FSTL5: variants seen among roughly 807,000 people sequenced by gnomAD.
FSTL5 encodes follistatin like 5.
In FSTL5, 62 loss-of-function variants were observed where a neutral mutation model predicts 89.1. The ratio of observed to expected loss-of-function variants is 0.70; its 90% CI spans 0.57 to 0.86. The LOEUF (loss-of-function observed/expected upper bound fraction) is 0.86. FSTL5 is among the 40% of genes least tolerant of loss of function. FSTL5 has a pLI of 0.00. For missense variants in FSTL5, 1,057 were observed against 1,001.6 expected (o/e 1.06, Z -0.75); for synonymous variants, 383 against 346.2 (o/e 1.11, Z -1.18).
At chr4:161,935,797 T>A (rs751425671) in intron 3 of FSTL5, among the ~76,000 whole-genome samples, 5 of 151,734 alleles carry the variant, frequency 3.3e-5, no homozygotes, top group Non-Finnish European at 7.4e-5. Context: ...AATGGTAGGA[T>A]GAATCTACAC....
intron 4 of FSTL5, among the ~76,000 whole-genome samples, chr4:161,831,120 G>A (rs929378043): frequency 1.3e-5 from 2 of 151,416 alleles, no homozygotes; most frequent in African/African-American, 4.8e-5. Flanking sequence ...TGAGAGTGGG[G>A]GAAATTGGTA....
chr4:161,602,063 C>A (rs981791172), intron 7 of FSTL5, among the ~76,000 whole-genome samples: 2 of 151,660 alleles, frequency 1.3e-5, no homozygotes, highest in African/African-American at 4.9e-5. Context: ...GTTAATATTT[C>A]TAGTGGAAAG....
intron 3 of FSTL5, among the ~76,000 whole-genome samples, chr4:161,949,656 AATT>A (rs1212166944): frequency 6.6e-6 from 1 of 151,612 alleles, no homozygotes; most frequent in Admixed American, 6.6e-5. Flanking sequence ...TGTTTATAGT[AATT>A]ATTATATTTT....
chr4:161,738,149 C>A (rs1300891979), intron 6 of FSTL5, among the ~76,000 whole-genome samples: 3 of 151,952 alleles, frequency 2.0e-5, no homozygotes, highest in Non-Finnish European at 4.4e-5. Flanking sequence ...AATGTATATT[C>A]TTTTACTATT....
At chr4:162,057,216 A>G (rs1738572701) in intron 2 of FSTL5, among the ~76,000 whole-genome samples, 1 of 152,144 alleles carries the variant, frequency 6.6e-6, no homozygotes, top group Admixed American at 6.6e-5. Context: ...ATTTCACTAA[A>G]TCATAGCTTT....
rs201032478 is a variant in FSTL5 at position 161,781,098 on chromosome 4, ACT to A, written c.410-5026_410-5025del. ...TCTGTATATTATAATGTATGTAGAA[ACT>A]GTTTTTCCTCAAATTACTCAATAAT... On this transcript the variant is annotated intron_variant, in intron 4 of 15. Coordinates refer to ENST00000306100, the MANE Select transcript of FSTL5 (RefSeq NM_020116.5). Among the ~76,000 whole-genome samples, 1,218 of 152,180 alleles carry A rather than the reference ACT, an allele frequency of 8.0e-3. 7 individuals carry two copies. Among genetic ancestry groups the A allele is most frequent in the South Asian group, 0.013 (61 of 4,822 alleles).
In FSTL5 at chr4:161,678,202, A is replaced by G. The variant is rs76743091; in HGVS notation, c.728-21708T>C. 6.0e-3 allele frequency among the ~76,000 whole-genome samples: 907 copies of G among 151,914 alleles called. 9 individuals carry two copies. Among genetic ancestry groups the G allele is most frequent in the South Asian group, 0.046 (220 of 4,828 alleles). Reference sequence around the variant, plus strand: ...ATATAATATGTAAATGTACAAACACATATGTGTGTATGTGTATATATACAG... The same window carrying G: ...ATATAATATGTAAATGTACAAACACGTATGTGTGTATGTGTATATATACAG... On this transcript the variant is annotated intron_variant, in intron 6 of 15. Transcript: ENST00000306100.
chr4:161,593,297 C>G (rs924418081), intron 7 of FSTL5, among the ~76,000 whole-genome samples: 2 of 151,992 alleles, frequency 1.3e-5, no homozygotes, highest in Non-Finnish European at 2.9e-5. Flanking sequence ...CTTACCAATG[C>G]TCACATAATA....
rs867818129 is a variant in FSTL5 at position 161,424,036 on chromosome 4, T to C, written c.1841+30968A>G. Among the ~76,000 whole-genome samples the C allele has an allele frequency of 8.3e-3, 1,157 of 138,964 alleles. 14 individuals carry two copies. The highest frequency in any genetic ancestry group is 0.029 in the African/African-American group (1,099 of 37,448). The allele number at this position is 138,964 out of a possible 152,430, so 91.2% of individuals were successfully genotyped here. On this transcript the variant is annotated intron_variant, in intron 15 of 15. Coordinates refer to ENST00000306100, the MANE Select transcript of FSTL5 (RefSeq NM_020116.5). ...CACGCCCATCATTCTTTTTTTTTTT[T>C]TTTTTTTTTTTTTTGTATTTTTAGT...
chr4:162,048,717 A>G lies in FSTL5; in HGVS notation c.127-15059T>C, dbSNP rs920323944. On this transcript the variant is annotated intron_variant, in intron 2 of 15. Transcript: ENST00000306100. ...TAGAATAAAGTCATCAAGAAAATGG[A>G]TGCATAGATGTCAATAAGAAATAAT... is the stretch of plus-strand genomic sequence containing the variant. 5.9e-5 allele frequency among the ~76,000 whole-genome samples: 9 copies of G among 152,148 alleles called. No homozygotes were observed. The East Asian group carries it at 1.7e-3, about 29-fold the overall frequency.
intron 3 of FSTL5, among the ~76,000 whole-genome samples, chr4:161,958,944 C>A (rs952473244): frequency 2.0e-5 from 3 of 152,072 alleles, no homozygotes; most frequent in African/African-American, 7.2e-5. Context: ...TCAGTTCTAT[C>A]TCTTCAATTC....
intron 13 of FSTL5, among the ~76,000 whole-genome samples, chr4:161,475,129 G>A (rs1163792592): frequency 6.6e-6 from 1 of 151,596 alleles, no homozygotes; most frequent in Non-Finnish European, 1.5e-5. Context: ...TCTTATTGAG[G>A]ATACACAGTA....
At chr4:161,620,469 C>T (rs1041291679) in intron 7 of FSTL5, among the ~76,000 whole-genome samples, 6 of 152,042 alleles carry the variant, frequency 3.9e-5, no homozygotes, top group African/African-American at 1.2e-4. Flanking sequence ...AACCTGACCA[C>T]TATGGAGAAA....
intron 5 of FSTL5, among the ~76,000 whole-genome samples, chr4:161,763,638 G>C (rs894194696): frequency 3.3e-5 from 5 of 152,118 alleles, no homozygotes; most frequent in Non-Finnish European, 5.9e-5. Context: ...TGAACTCATA[G>C]AGTAACGTAC....
At chr4:162,039,173 T>G (rs1737853684) in intron 2 of FSTL5, among the ~76,000 whole-genome samples, 1 of 151,806 alleles carries the variant, frequency 6.6e-6, no homozygotes, top group Non-Finnish European at 1.5e-5. Context: ...TCTGAGAGAC[T>G]ATACATAGTA....
intron 3 of FSTL5, among the ~76,000 whole-genome samples, chr4:162,028,567 G>A (rs1737390594): frequency 6.6e-6 from 1 of 152,026 alleles, no homozygotes; most frequent in Non-Finnish European, 1.5e-5. Flanking sequence ...ACAGAGTGAG[G>A]CTCTGTCTAA....
intron 3 of FSTL5, among the ~76,000 whole-genome samples, chr4:162,026,746 A>G (rs952553043): frequency 1.3e-5 from 2 of 152,192 alleles, no homozygotes; most frequent in East Asian, 1.9e-4. Context: ...ATAAAAGCCT[A>G]CTTAAGCATC....
chr4:161,780,556 C>A (rs1433686582), intron 4 of FSTL5, among the ~76,000 whole-genome samples: 6 of 152,292 alleles, frequency 3.9e-5, no homozygotes, highest in African/African-American at 1.2e-4. Context: ...AGATTATCTT[C>A]CTTCCCATGG....
At chr4:161,837,561 C>T (rs1731086087) in intron 4 of FSTL5, among the ~76,000 whole-genome samples, 2 of 151,970 alleles carry the variant, frequency 1.3e-5, no homozygotes, top group African/African-American at 4.8e-5. Context: ...TGAAATTAAA[C>T]AAGGCCTTTC....
Sources: gnomAD v4.1 joint callset for allele counts (sites outside exome capture counted in the v4.1 genomes callset) on GRCh38, gnomAD v4.1.1 for gene constraint, MANE v1.5 for transcripts, NCBI Gene and HGNC (gene_info 2026-07-23, HGNC 2026-07-21) for gene names.